Variants in SNAP25 observed in about 807,000 individuals in gnomAD.
SNAP25 encodes the protein synaptosome associated protein 25, also known as synaptosomal-associated protein 25.
SNAP25 carries 3 observed loss-of-function variants against 28.7 expected under a neutral mutation model. The ratio of observed to expected loss-of-function variants is 0.10; its 90% CI spans 0.05 to 0.27. The LOEUF (loss-of-function observed/expected upper bound fraction) is 0.27. Ranked by LOEUF, SNAP25 falls within the 10% of genes least tolerant of loss-of-function variation. SNAP25 has a pLI of 1.00. For missense variants in SNAP25, 117 were observed against 278.7 expected (o/e 0.42, Z 4.13); for synonymous variants, 61 against 88.1 (o/e 0.69, Z 1.72).
intron 1 of SNAP25, among the ~76,000 whole-genome samples, chr20:10,230,594 C>T (rs1019966251): frequency 1.3e-5 from 2 of 152,156 alleles, no homozygotes; most frequent in African/African-American, 4.8e-5. Flanking sequence ...GACCCAGTAA[C>T]CTCTGTTTTA....
At chr20:10,228,416 G>A (rs889079217) in intron 1 of SNAP25, among the ~76,000 whole-genome samples, 1 of 152,098 alleles carries the variant, frequency 6.6e-6, no homozygotes, top group African/African-American at 2.4e-5. Flanking sequence ...CTAACAGAAA[G>A]CACACTGCTG....
At position 10,306,468 on chromosome 20, in the gene SNAP25, C is replaced by T. The variant is rs79292749; in HGVS notation, c.*271C>T. 4.3e-3 allele frequency: 1,437 copies of T among 336,726 alleles called. 16 individuals carry two copies. The highest frequency in any genetic ancestry group is 0.025 in the African/African-American group (1,162 of 47,000). 20.9% of individuals were successfully genotyped at this position (336,726 alleles called of 1,614,324 possible). A position where few individuals can be genotyped will look rare whatever the true frequency, so the allele number is the denominator to read the frequency against. On this transcript the variant is annotated 3_prime_UTR_variant, in exon 8 of 8. Coordinates refer to ENST00000254976, the MANE Select transcript of SNAP25 (RefSeq NM_130811.4). The stretch of plus-strand genomic sequence containing the variant: ...AGTTTCATTTTTCATTTTCTCTCCT[C>T]GGTGGCATTTGCTGAATAACAACAA...
intron 1 of SNAP25, among the ~76,000 whole-genome samples, chr20:10,268,388 T>A (rs2063539170): frequency 6.6e-6 from 1 of 152,182 alleles, no homozygotes; most frequent in East Asian, 1.9e-4. Context: ...TGATGGGTGT[T>A]GATTTATACA....
At chr20:10,229,699 G>C (rs1261799324) in intron 1 of SNAP25, among the ~76,000 whole-genome samples, 1 of 152,020 alleles carries the variant, frequency 6.6e-6, no homozygotes, top group African/African-American at 2.4e-5. Context: ...TGCTTGTTTT[G>C]TATTTATTTT....
In SNAP25 at chr20:10,306,122, T is replaced by C. The variant is rs544353435; in HGVS notation, c.553-7T>C. On this transcript the variant is annotated splice_region_variant and splice_polypyrimidine_tract_variant and intron_variant, in intron 7 of 7. Coordinates refer to ENST00000254976, the MANE Select transcript of SNAP25 (RefSeq NM_130811.4). Reference sequence around the variant, plus strand: ...CCTGAGTTCTGTTTCTTTTCCCCCTTTTCTAGGCTGATTCCAACAAAACCA... The same window carrying C: ...CCTGAGTTCTGTTTCTTTTCCCCCTCTTCTAGGCTGATTCCAACAAAACCA... The C allele has an allele frequency of 6.2e-7, 1 of 1,613,432 alleles. No individual in the cohort carries two copies. Among genetic ancestry groups the C allele is most frequent in the Non-Finnish European group, 8.5e-7 (1 of 1,179,654 alleles).
intron 3 of SNAP25, among the ~76,000 whole-genome samples, chr20:10,284,384 T>C (rs2063835519): frequency 1.3e-5 from 2 of 152,230 alleles, no homozygotes; most frequent in African/African-American, 4.8e-5. Context: ...ATTGGTGTTA[T>C]AAAAACTGTA....
At chr20:10,246,857 A>C (rs1283659238) in intron 1 of SNAP25, among the ~76,000 whole-genome samples, 1 of 152,198 alleles carries the variant, frequency 6.6e-6, no homozygotes, top group Non-Finnish European at 1.5e-5. Flanking sequence ...TATTGTGTCC[A>C]GGCACTGTCC....
intron 1 of SNAP25, among the ~76,000 whole-genome samples, chr20:10,221,377 C>G (rs1315007205): frequency 6.6e-6 from 1 of 152,122 alleles, no homozygotes; most frequent in Non-Finnish European, 1.5e-5. Flanking sequence ...AAAAATATAT[C>G]ATTGAACCAT....
Position 10,275,681 on chromosome 20 carries a change from A to T in SNAP25, c.72+118A>T, listed in dbSNP as rs578186175. The T allele has an allele frequency of 6.7e-4, 506 of 759,802 alleles. 4 individuals are homozygous for T. In the African/African-American group the frequency reaches 8.5e-3, roughly 13 times the overall value. 47.1% of individuals were successfully genotyped at this position (759,802 alleles called of 1,614,324 possible). A position where few individuals can be genotyped will look rare whatever the true frequency, so the allele number is the denominator to read the frequency against. On this transcript the variant is annotated intron_variant, in intron 2 of 7. Coordinates refer to ENST00000254976, the MANE Select transcript of SNAP25 (RefSeq NM_130811.4). ...TGTCTCAATTTCTTTTAGAAAAAGT[A>T]ATATGACTTTGATTTTCTGTACACC...
intron 4 of SNAP25, among the ~76,000 whole-genome samples, chr20:10,292,385 A>G (rs558117186): frequency 1.3e-5 from 2 of 152,276 alleles, no homozygotes; most frequent in African/African-American, 4.8e-5. Flanking sequence ...AGACATCCAT[A>G]CCCATTGCTT....
chr20:10,233,310 G>C (rs963078661), intron 1 of SNAP25, among the ~76,000 whole-genome samples: 7 of 149,098 alleles, frequency 4.7e-5, no homozygotes, highest in Non-Finnish European at 7.4e-5. Flanking sequence ...TTAAGCCTAA[G>C]ATTCCTTCCA....
chr20:10,264,687 A>G (rs1167391175), intron 1 of SNAP25, among the ~76,000 whole-genome samples: 2 of 152,176 alleles, frequency 1.3e-5, no homozygotes, highest in Admixed American at 1.3e-4. Flanking sequence ...GGTTACCCTT[A>G]TGGGAAACCA....
intron 1 of SNAP25, among the ~76,000 whole-genome samples, chr20:10,267,311 C>T (rs759934847): frequency 2.7e-4 from 41 of 152,010 alleles, no homozygotes; most frequent in Admixed American, 3.9e-4. Flanking sequence ...GTAAATAAGT[C>T]ATTTGTCAAT....
At chr20:10,294,248 C>T (rs1056248887) in intron 5 of SNAP25, among the ~76,000 whole-genome samples, 7 of 152,134 alleles carry the variant, frequency 4.6e-5, no homozygotes, top group South Asian at 2.1e-4. Flanking sequence ...TAGAAATTGA[C>T]GTCATTTTTA....
intron 1 of SNAP25, among the ~76,000 whole-genome samples, chr20:10,223,694 A>C (rs2062677653): frequency 6.6e-6 from 1 of 152,154 alleles, no homozygotes; most frequent in Non-Finnish European, 1.5e-5. Context: ...TACAAGAGGA[A>C]AAAGACTTCA....
intron 1 of SNAP25, among the ~76,000 whole-genome samples, chr20:10,226,197 A>G (rs1203694453): frequency 1.3e-5 from 2 of 152,200 alleles, no homozygotes; most frequent in Non-Finnish European, 2.9e-5. Context: ...TTCTCTATCA[A>G]TAAACAGAAA....
intron 1 of SNAP25, among the ~76,000 whole-genome samples, chr20:10,261,886 T>G (rs1211941696): frequency 6.6e-6 from 1 of 152,126 alleles, no homozygotes; most frequent in Non-Finnish European, 1.5e-5. Flanking sequence ...AAACAGAAAT[T>G]ATGTTGATCA....
intron 3 of SNAP25, among the ~76,000 whole-genome samples, chr20:10,281,750 C>A (rs1219645589): frequency 6.6e-6 from 1 of 152,178 alleles, no homozygotes; most frequent in Non-Finnish European, 1.5e-5. Context: ...TCTAAGGAAA[C>A]AAAGCAGCTC....
At chr20:10,283,727 T>A (rs2063823200) in intron 3 of SNAP25, among the ~76,000 whole-genome samples, 1 of 152,098 alleles carries the variant, frequency 6.6e-6, no homozygotes, top group African/African-American at 2.4e-5. Flanking sequence ...ATGAGAGAGG[T>A]CCTAGCTTAG....
Sources: gnomAD v4.1 joint callset for allele counts (sites outside exome capture counted in the v4.1 genomes callset) on GRCh38, gnomAD v4.1.1 for gene constraint, MANE v1.5 for transcripts, NCBI Gene and HGNC (gene_info 2026-07-23, HGNC 2026-07-21) for gene names.